Variants in TUBB8B observed in about 807,000 individuals in gnomAD.
TUBB8B encodes HSA18p11 beta-tubulin 4Q pseudogene.
TUBB8B carries 26 observed loss-of-function variants against 31.9 expected under a neutral mutation model. The observed-to-expected ratio is 0.81, with a 90% confidence interval of 0.60 to 1.13. The LOEUF (loss-of-function observed/expected upper bound fraction) is 1.13, where lower values mean the gene tolerates loss of function less well. Among genes scored for constraint, TUBB8B ranks in the 50% most tolerant of loss-of-function variants. The pLI is 0.00. For synonymous variants in TUBB8B, 173 were observed against 231.0 expected, an observed-to-expected ratio of 0.75 and a Z score of 2.28; for missense variants, 467 against 586.7, an observed-to-expected ratio of 0.80 and a Z score of 2.11.
the TUBB8B span, among the ~76,000 whole-genome samples, chr18:63,124 T>C: frequency 6.6e-6 from 1 of 151,848 alleles, no homozygotes; most frequent in South Asian, 2.1e-4. Flanking sequence ...TTCCAGGATT[T>C]GCCCCTGGTG....
the TUBB8B span, among the ~76,000 whole-genome samples, chr18:56,306 T>C: frequency 1.3e-5 from 2 of 151,876 alleles, no homozygotes; most frequent in African/African-American, 2.4e-5. Flanking sequence ...CTTTGACTAT[T>C]ATGGTGTTTT....
the TUBB8B span, among the ~76,000 whole-genome samples, chr18:64,834 G>C: frequency 6.6e-6 from 1 of 151,974 alleles, no homozygotes; most frequent in African/African-American, 2.4e-5. Flanking sequence ...CAATTCCTCA[G>C]GTATGTTTTC....
At chr18:49,972 T>A, upstream of TUBB8B, 1 of 452,456 alleles carries the variant, frequency 2.2e-6, no homozygotes, top group Non-Finnish European at 4.4e-6. Context: ...ATTCATTTCA[T>A]CTATTAGGAG....
At chr18:52,317 T>C (rs915665518), upstream of TUBB8B, among the ~76,000 whole-genome samples, 4 of 151,302 alleles carry the variant, frequency 2.6e-5, no homozygotes, top group African/African-American at 9.7e-5. Flanking sequence ...AAGGCAACAA[T>C]ATGCAGAGCA....
upstream of TUBB8B, among the ~76,000 whole-genome samples, chr18:53,670 T>C (rs1359067232): frequency 6.6e-6 from 1 of 151,874 alleles, no homozygotes; most frequent in Admixed American, 6.6e-5. Flanking sequence ...GGTTTCATTC[T>C]GTTGGCCAGG....
At chr18:64,194 C>T in the TUBB8B span, among the ~76,000 whole-genome samples, 1 of 152,078 alleles carries the variant, frequency 6.6e-6, no homozygotes, top group African/African-American at 2.4e-5. Context: ...TCTAAGCAAA[C>T]CCTAACACAC....
chr18:72,022 C>CA, the TUBB8B span, among the ~76,000 whole-genome samples: 1 of 151,754 alleles, frequency 6.6e-6, no homozygotes. Context: ...ACTAAAAATA[C>CA]AAAAAAATTA....
the TUBB8B span, among the ~76,000 whole-genome samples, chr18:63,302 A>G: frequency 3.3e-5 from 5 of 151,764 alleles, no homozygotes; most frequent in Admixed American, 6.6e-5. Context: ...GTTCAAAGAG[A>G]CTTAGGTCCC....
intron 3 of TUBB8B, 155 bp from the exon 4 acceptor site, chr18:48,602 G>A (rs1242252447): frequency 1.1e-5 from 8 of 710,080 alleles, no homozygotes; most frequent in East Asian, 2.7e-5. Context: ...AGAGTTACAG[G>A]ACAGCAGCTT....
Position 47,694 on chromosome 18 carries a change from C to A in TUBB8B, c.1031G>T (p.Trp344Leu). 3 of 1,612,046 alleles carry A rather than the reference C, an allele frequency of 1.9e-6. No individual in the cohort carries two copies. The highest frequency in any genetic ancestry group is 2.5e-6 in the Non-Finnish European group (3 of 1,179,324). ...GGCTGTTTTTACGTTGTCGGGGAAC[C>A]AGTCAGCAAAGTAGCTGCTGTTCTT... is the stretch of plus-strand genomic sequence containing the variant. ...QDKNSSYFADWFPDNVKTAVC... is the reference protein window; with the variant it reads ...QDKNSSYFADLFPDNVKTAVC... The change falls in exon 4 of 4, where the codon TGG (tryptophan) becomes TTG (leucine). Residue 344 changes from tryptophan (W) to leucine (L), a missense_variant. Around this residue, in one of 2 missense-constraint regions of TUBB8B, gnomAD observed 208 missense variants for 206.7 expected, o/e 1.01. Transcript: ENST00000308911.
chr18:67,668 G>A, the TUBB8B span, among the ~76,000 whole-genome samples: 2 of 152,118 alleles, frequency 1.3e-5, no homozygotes, highest in African/African-American at 4.8e-5. Context: ...ACAGAGAGCT[G>A]TTAAAGCACT....
At chr18:59,814 G>A in the TUBB8B span, among the ~76,000 whole-genome samples, 1 of 151,674 alleles carries the variant, frequency 6.6e-6, no homozygotes, top group Admixed American at 6.6e-5. Context: ...AAAGTGCTGG[G>A]ATTACAGGCG....
chr18:56,993 G>A, the TUBB8B span, among the ~76,000 whole-genome samples: 3 of 151,786 alleles, frequency 2.0e-5, 1 homozygote, highest in Non-Finnish European at 1.5e-5. Flanking sequence ...TGGCACCAAA[G>A]GAAATGATGC....
At chr18:72,188 A>AC in the TUBB8B span, among the ~76,000 whole-genome samples, 1 of 130,848 alleles carries the variant, frequency 7.6e-6, no homozygotes, top group South Asian at 2.3e-4. Context: ...AAAAAAAAAA[A>AC]AAAAAAAAAA....
chr18:47,967 A>C lies in TUBB8B; in HGVS notation c.758T>G (p.Leu253Arg), dbSNP rs1452940171. 6 of 1,611,616 alleles carry C rather than the reference A, an allele frequency of 3.7e-6. No individual in the cohort carries two copies. The African/African-American group carries it at 8.0e-5, about 22-fold the overall frequency. Residue 253 changes from leucine (L) to arginine (R), a missense_variant, in exon 4 of 4, where the codon CTG becomes CGG. Coordinates refer to ENST00000308911, the MANE Select transcript of TUBB8B (RefSeq NM_001358689.2). ...PGQLNADLRK[L>R]AVNMVPFPRL... is the part of the protein sequence containing the mutation. ...GGGAAACGGGACCATGTTCACGGCC[A>C]GCTTCCGCAGGTCAGCATTCAGCTG...
Position 48,085 on chromosome 18 carries a change from T to C in TUBB8B, c.640A>G (p.Thr214Ala), listed in dbSNP as rs765158968. Residue 214 changes from threonine to alanine, a missense_variant, in exon 4 of 4, where the codon ACC becomes GCC. Thr to Ala is a moderately conservative substitution (Grantham distance 58, BLOSUM62 0). This residue lies in a region of TUBB8B where 259 missense variants were observed against 380.1 expected (regional missense o/e 0.68). Coordinates refer to ENST00000308911, the MANE Select transcript of TUBB8B (RefSeq NM_001358689.2). Reference protein sequence around the residue: ...NEALYDICSRTLKLPTPTYGD... With the variant: ...NEALYDICSRALKLPTPTYGD... Reference sequence around the variant, plus strand: ...TAGGTGGGTGTGGGCAGTTTTAGGGTCCTGGAACATATGTCATATAGCGCT... The same window carrying C: ...TAGGTGGGTGTGGGCAGTTTTAGGGCCCTGGAACATATGTCATATAGCGCT... 6 of 1,613,922 alleles carry C rather than the reference T, an allele frequency of 3.7e-6. No individual in the cohort carries two copies. The South Asian group carries it at 6.6e-5, about 18-fold the overall frequency.
the TUBB8B span, among the ~76,000 whole-genome samples, chr18:66,800 G>A: frequency 6.6e-6 from 1 of 152,030 alleles, no homozygotes; most frequent in African/African-American, 2.4e-5. Flanking sequence ...GTTGATTTCT[G>A]CCAAAAGGAC....
At chr18:63,622 C>T in the TUBB8B span, among the ~76,000 whole-genome samples, 2 of 151,808 alleles carry the variant, frequency 1.3e-5, no homozygotes, top group African/African-American at 2.4e-5. Context: ...AAGCCCTAGC[C>T]CTAGCCCTAA....
At chr18:51,460 G>A (rs1906102603), upstream of TUBB8B, among the ~76,000 whole-genome samples, 2 of 151,824 alleles carry the variant, frequency 1.3e-5, no homozygotes, top group South Asian at 4.2e-4. Flanking sequence ...TTATTTTTGA[G>A]ACAGAGTCTT....
Sources: gnomAD v4.1 joint callset for allele counts (sites outside exome capture counted in the v4.1 genomes callset) on GRCh38, gnomAD v4.1.1 for gene constraint, gnomAD v4.1.1 regional missense constraint, MANE v1.5 for transcripts, NCBI Gene and HGNC (gene_info 2026-07-23, HGNC 2026-07-21) for gene names.